The following TPO variants were observed in gnomAD, a reference collection of about 807,000 sequenced individuals.
The protein encoded by TPO is thyroid peroxidase.
TPO carries 78 observed loss-of-function variants against 96.9 expected under a neutral mutation model. That is an observed-to-expected ratio of 0.81 (90% CI 0.67 to 0.97). The LOEUF is 0.97. TPO is among the 50% of genes least tolerant of loss of function. TPO has a pLI of 0.00. For missense variants in TPO, 1,252 were observed against 1,274.8 expected (o/e 0.98, Z 0.27); for synonymous variants, 547 against 538.0 (o/e 1.02, Z -0.23).
At chr2:1,538,333 C>A (rs963784717) in intron 15 of TPO, among the ~76,000 whole-genome samples, 1 of 152,138 alleles carries the variant, frequency 6.6e-6, no homozygotes, top group Non-Finnish European at 1.5e-5. Flanking sequence ...CACGGGCATA[C>A]CCTGTCCTTG....
chr2:1,496,753 C>T lies in TPO; in HGVS notation c.2374C>T (p.Pro792Ser). The T allele has an allele frequency of 6.2e-7, 1 of 1,614,140 alleles. No individual in the cohort carries two copies. The highest frequency in any genetic ancestry group is 8.5e-7 in the Non-Finnish European group (1 of 1,180,034). Reference sequence around the variant, plus strand: ...CCAGGAAGGATGGGATTTCCAGCCTCCCCTCTGCAAAGGTCAGTCCTTTCT... The same window carrying T: ...CCAGGAAGGATGGGATTTCCAGCCTTCCCTCTGCAAAGGTCAGTCCTTTCT... ...CTQEGWDFQP[P>S]LCKDVNECAD... Residue 792 changes from proline (P) to serine (S), a missense_variant, in exon 13 of 17, where the codon CCC becomes TCC. Transcript: ENST00000329066.
rs138509145 is a variant in TPO, at chr2:1,436,345, C to A, written c.443C>A (p.Ala148Glu). 1.5e-4 allele frequency: 237 copies of A among 1,614,058 alleles called. No individual in the cohort carries two copies. The highest frequency in any genetic ancestry group is 1.9e-4 in the Non-Finnish European group (229 of 1,180,046). ...CCAAAATGCCCAAACACTTGCCTGG[C>A]GAACAAATACAGGCCCATCACAGGA... ...LPPKCPNTCL[A>E]NKYRPITGAC... Residue 148 changes from alanine (A) to glutamate (E), a missense_variant, in exon 5 of 17, where the codon GCG (alanine) becomes GAG (glutamate). By Grantham distance (107) the Ala-to-Glu change is moderately radical. Transcript: ENST00000329066.
chr2:1,397,886 G>C (rs188820755), intron 1 of TPO, among the ~76,000 whole-genome samples: 1 of 152,298 alleles, frequency 6.6e-6, no homozygotes, highest in East Asian at 1.9e-4. Context: ...ACACATGTCA[G>C]AAGCTCCTTT....
intron 1 of TPO, among the ~76,000 whole-genome samples, chr2:1,389,556 T>G (rs965510406): frequency 1.3e-5 from 2 of 152,154 alleles, no homozygotes; most frequent in African/African-American, 4.8e-5. Context: ...ATTTAAACAG[T>G]CTTGGTGGGT....
intron 1 of TPO, among the ~76,000 whole-genome samples, chr2:1,377,290 C>T (rs1300380710): frequency 1.3e-5 from 2 of 152,160 alleles, no homozygotes; most frequent in African/African-American, 2.4e-5. Flanking sequence ...GGAATACGGT[C>T]TTTCTCTCAC....
chr2:1,384,751 G>A (rs1290243889), intron 1 of TPO, among the ~76,000 whole-genome samples: 1 of 152,112 alleles, frequency 6.6e-6, no homozygotes, highest in Non-Finnish European at 1.5e-5. Context: ...ACACTATGTT[G>A]AATAGGAGTG....
intron 1 of TPO, among the ~76,000 whole-genome samples, chr2:1,395,338 A>G (rs1240688953): frequency 6.6e-6 from 1 of 152,172 alleles, no homozygotes; most frequent in Non-Finnish European, 1.5e-5. Context: ...GATTTTATAC[A>G]CACTAATATT....
At chr2:1,444,976 T>G (rs866783479) in intron 5 of TPO, among the ~76,000 whole-genome samples, 2 of 23,636 alleles carry the variant, frequency 8.5e-5, no homozygotes, top group Admixed American at 5.7e-4. Context: ...TGGGGCAGGC[T>G]CCTTCTTGTT....
intron 5 of TPO, among the ~76,000 whole-genome samples, chr2:1,449,485 A>G (rs1667133857): frequency 6.6e-6 from 1 of 152,142 alleles, no homozygotes; most frequent in African/African-American, 2.4e-5. Flanking sequence ...CCTTGACACA[A>G]TCGTCTCCTT....
At chr2:1,482,303 A>G (rs1670725755) in intron 8 of TPO, among the ~76,000 whole-genome samples, 1 of 152,166 alleles carries the variant, frequency 6.6e-6, no homozygotes, top group Non-Finnish European at 1.5e-5. Context: ...CCTTTCAGTC[A>G]TTCCCACTGG....
chr2:1,386,989 C>A (rs1035648134), intron 1 of TPO, among the ~76,000 whole-genome samples: 7 of 152,272 alleles, frequency 4.6e-5, no homozygotes, highest in African/African-American at 1.7e-4. Flanking sequence ...TTGGCTGGAT[C>A]TGAAATTCTG....
intron 8 of TPO, among the ~76,000 whole-genome samples, chr2:1,480,108 TAAC>T (rs1306461796): frequency 1.3e-5 from 2 of 152,204 alleles, no homozygotes; most frequent in Non-Finnish European, 2.9e-5. Flanking sequence ...AATGAAATAA[TAAC>T]AACAGCAACC....
At chr2:1,392,302 A>G (rs1348053480) in intron 1 of TPO, among the ~76,000 whole-genome samples, 2 of 152,204 alleles carry the variant, frequency 1.3e-5, no homozygotes, top group Non-Finnish European at 2.9e-5. Context: ...GTGATGGATT[A>G]TGTTCATTGA....
Position 1,477,412 on chromosome 2 carries a change from C to G in TPO, c.1146C>G (p.Pro382=). The change falls in exon 8 of 17, where the codon CCC becomes CCG. Residue 382 remains proline (P), a synonymous_variant. Transcript: ENST00000329066. Reference sequence around the variant, plus strand: ...CCTGTGCGCCCGAGCCCGGCATCCCCGGAGAGACCCGCGGGCCCTGCTTCC... The same window carrying G: ...CCTGTGCGCCCGAGCCCGGCATCCCGGGAGAGACCCGCGGGCCCTGCTTCC... ...PAACAPEPGI[P]GETRGPCFLA... 6.6e-7 allele frequency: 1 copy of G among 1,525,656 alleles called. No individual in the cohort carries two copies. Among genetic ancestry groups the G allele is most frequent in the Non-Finnish European group, 8.8e-7 (1 of 1,139,982 alleles). The allele number at this position is 1,525,656 out of a possible 1,614,324, so 94.5% of individuals were successfully genotyped here.
Position 1,496,180 on chromosome 2 carries a change from G to A in TPO, c.2198G>A (p.Arg733Lys). The change falls in exon 12 of 17, where the codon AGG becomes AAG. Residue 733 changes from arginine to lysine, a missense_variant. By Grantham distance (26) the Arg-to-Lys change is conservative. Coordinates refer to ENST00000329066, the MANE Select transcript of TPO (RefSeq NM_001206744.2). Reference sequence around the variant, plus strand: ...ACTGGCATGAACCTGGAGGCCTGGAGGGAAACCTTTCCTCAAGGTGAAGTT... The same window carrying A: ...ACTGGCATGAACCTGGAGGCCTGGAAGGAAACCTTTCCTCAAGGTGAAGTT... ...SITGMNLEAW[R>K]ETFPQDDKCG... 1 of 1,613,994 alleles carries A rather than the reference G, an allele frequency of 6.2e-7. No individual in the cohort carries two copies. Among genetic ancestry groups the A allele is most frequent in the South Asian group, 1.1e-5 (1 of 91,006 alleles).
intron 11 of TPO, among the ~76,000 whole-genome samples, chr2:1,495,585 A>G (rs964749902): frequency 5.9e-5 from 9 of 152,242 alleles, no homozygotes; most frequent in African/African-American, 2.2e-4. Flanking sequence ...AGCAAAATAG[A>G]TGCTCATAGT....
chr2:1,423,308 A>G (rs1156333378), intron 3 of TPO, among the ~76,000 whole-genome samples, 179 bp downstream of exon 3: 1 of 152,204 alleles, frequency 6.6e-6, no homozygotes, highest in Non-Finnish European at 1.5e-5. Flanking sequence ...TTAATCTCCA[A>G]TCCTTTCTTA....
At chr2:1,488,940 G>A (rs1000381729) in intron 10 of TPO, among the ~76,000 whole-genome samples, 4 of 152,146 alleles carry the variant, frequency 2.6e-5, no homozygotes, top group Admixed American at 2.0e-4. Context: ...TCAGGATAAC[G>A]CACACTGTCC....
chr2:1,402,427 C>T (rs1662187389), intron 1 of TPO, among the ~76,000 whole-genome samples: 1 of 152,178 alleles, frequency 6.6e-6, no homozygotes, highest in Non-Finnish European at 1.5e-5. Flanking sequence ...AGGGAGCCAG[C>T]CAGTCTGGGA....
Sources: gnomAD v4.1 joint callset for allele counts (sites outside exome capture counted in the v4.1 genomes callset) on GRCh38, gnomAD v4.1.1 for gene constraint, MANE v1.5 for transcripts, NCBI Gene and HGNC (gene_info 2026-07-23, HGNC 2026-07-21) for gene names.